Variants in FYTTD1 observed in about 807,000 individuals in gnomAD.
FYTTD1 encodes the protein forty-two-three domain containing 1, also known as UAP56-interacting factor.
A neutral mutation model predicts 40.9 loss-of-function variants in FYTTD1; 22 were observed. The observed-to-expected ratio is 0.54, with a 90% CI of 0.38 to 0.77. The LOEUF is 0.77. Among genes scored for constraint, FYTTD1 ranks in the 30% least tolerant of loss-of-function variants. The pLI, the probability that FYTTD1 is intolerant of heterozygous loss-of-function variation, is 0.00. For synonymous variants in FYTTD1, 140 were observed against 137.9 expected (o/e 1.01, Z -0.10); for missense variants, 351 against 392.2 (o/e 0.90, Z 0.89).
At chr3:197,760,068 T>C (rs1458730420) in intron 2 of FYTTD1, among the ~76,000 whole-genome samples, 1 of 152,002 alleles carries the variant, frequency 6.6e-6, no homozygotes, top group East Asian at 1.9e-4. Flanking sequence ...AGAGTTGTTC[T>C]TCAGTGGTAG....
rs7632659 is a variant in FYTTD1, at chr3:197,754,392, T to C, written c.104-2034T>C. Among the ~76,000 whole-genome samples, 1,488 of 152,204 alleles carry C rather than the reference T, an allele frequency of 9.8e-3. 13 individuals are homozygous for C. Among genetic ancestry groups the C allele is most frequent in the African/African-American group, 0.034 (1,413 of 41,512 alleles). On this transcript the variant is annotated intron_variant, in intron 1 of 8. Transcript: ENST00000241502. ...TTGGGGAGATTTGAGATATTTTGTGTGAATATTTGAGTGTAATTAAGAGTC... is the reference window on the plus strand; with the variant it reads ...TTGGGGAGATTTGAGATATTTTGTGCGAATATTTGAGTGTAATTAAGAGTC...
intron 2 of FYTTD1, among the ~76,000 whole-genome samples, chr3:197,764,708 CAA>C (rs375534910): frequency 1.4e-3 from 126 of 89,506 alleles, no homozygotes; most frequent in African/African-American, 1.5e-3. Context: ...GAGTCCGTCC[CAA>C]AAAAAAAAAA....
At chr3:197,755,133 T>C (rs1729176028) in intron 1 of FYTTD1, among the ~76,000 whole-genome samples, 1 of 152,196 alleles carries the variant, frequency 6.6e-6, no homozygotes, top group South Asian at 2.1e-4. Context: ...CTTAGATCAG[T>C]GTAGAAAGAA....
chr3:197,769,573 G>A (rs936119887), intron 3 of FYTTD1, among the ~76,000 whole-genome samples: 1 of 152,152 alleles, frequency 6.6e-6, no homozygotes, highest in Non-Finnish European at 1.5e-5. Context: ...GCATGTGGAG[G>A]AAGAAAAAGA....
chr3:197,752,029 T>C (rs1729073234), intron 1 of FYTTD1, among the ~76,000 whole-genome samples: 1 of 152,116 alleles, frequency 6.6e-6, no homozygotes, highest in Non-Finnish European at 1.5e-5. Flanking sequence ...ACGCCAGCGC[T>C]GGTGGCCGGC....
At chr3:197,781,147 C>G (rs1204761479) in intron 8 of FYTTD1, among the ~76,000 whole-genome samples, 1 of 151,526 alleles carries the variant, frequency 6.6e-6, no homozygotes, top group Non-Finnish European at 1.5e-5. Context: ...AACCCTGTCT[C>G]CACTAAAAAT....
chr3:197,756,379 ATTGAG>A lies in FYTTD1; in HGVS notation c.104-44_104-40del, dbSNP rs377651010. On this transcript the variant is annotated intron_variant, in intron 1 of 8. Transcript: ENST00000241502. Reference sequence around the variant, plus strand: ...ATCAGCTAGAAAACGAAACTGAGTAATTGAGTTAAGTTAAAATGAAAATAATTGAC... The same window carrying A: ...ATCAGCTAGAAAACGAAACTGAGTAATTAAGTTAAAATGAAAATAATTGAC... 8.9e-5 allele frequency: 128 copies of A among 1,438,662 alleles called. No individual in the cohort carries two copies. The African/African-American group carries it at 1.4e-3, about 15-fold the overall frequency. The allele number at this position is 1,438,662 out of a possible 1,614,324, so 89.1% of individuals were successfully genotyped here.
chr3:197,751,240 G>A (rs1018161214), intron 1 of FYTTD1, among the ~76,000 whole-genome samples: 3 of 152,192 alleles, frequency 2.0e-5, no homozygotes, highest in Non-Finnish European at 2.9e-5. Flanking sequence ...TGATTTCTAC[G>A]ATTGCCACAG....
chr3:197,769,847 A>G (rs1352635208), intron 3 of FYTTD1, among the ~76,000 whole-genome samples: 1 of 151,640 alleles, frequency 6.6e-6, no homozygotes, highest in Non-Finnish European at 1.5e-5. Flanking sequence ...AGCACCTCAC[A>G]TATTTTAAAT....
In FYTTD1 at chr3:197,769,594, T is replaced by C. The variant is rs113886798; in HGVS notation, c.385-538T>C. On this transcript the variant is annotated intron_variant, in intron 3 of 8. Transcript: ENST00000241502. ...GGAGGAAGAAAAAGAGGATGTCTCA[T>C]GTGCTTTTGTTTTTTATGATACTTT... Among the ~76,000 whole-genome samples the C allele has an allele frequency of 3.2e-3, 490 of 152,330 alleles. 2 individuals carry two copies. Among genetic ancestry groups the C allele is most frequent in the African/African-American group, 0.01 (426 of 41,570 alleles).
At chr3:197,762,463 C>T (rs1729416416) in intron 2 of FYTTD1, among the ~76,000 whole-genome samples, 3 of 151,948 alleles carry the variant, frequency 2.0e-5, no homozygotes, top group Non-Finnish European at 4.4e-5. Context: ...GTGGCGGGCA[C>T]CTGTAGTCCC....
intron 4 of FYTTD1, 141 bp downstream of exon 4, chr3:197,770,385 T>A (rs1385796156): frequency 3.2e-6 from 2 of 633,144 alleles, no homozygotes; most frequent in African/African-American, 3.7e-5. Flanking sequence ...TATCTGAACA[T>A]CCACATGGAT....
intron 8 of FYTTD1, 68 bp downstream of exon 8, chr3:197,778,532 A>G (rs1580469887): frequency 1.8e-6 from 2 of 1,095,940 alleles, no homozygotes; most frequent in East Asian, 5.2e-5. Context: ...AGTATTTATT[A>G]TAATAGTGAA....
At position 197,784,055 on chromosome 3, in the gene FYTTD1, T is replaced by G. The variant is rs1375562824; in HGVS notation, c.*2146T>G. ...TGAAGGAAAATTTTCTTTATTGGAATGTGGTTGTAATCCTTGTTCAGTTCT... is the reference window on the plus strand; with the variant it reads ...TGAAGGAAAATTTTCTTTATTGGAAGGTGGTTGTAATCCTTGTTCAGTTCT... On this transcript the variant is annotated 3_prime_UTR_variant, in exon 9 of 9. Transcript: ENST00000241502. 6.6e-6 allele frequency: 1 copy of G among 152,612 alleles called. No homozygotes were observed. Among genetic ancestry groups the G allele is most frequent in the Non-Finnish European group, 1.5e-5 (1 of 68,026 alleles). 9.5% of individuals were successfully genotyped at this position (152,612 alleles called of 1,614,324 possible). A position where few individuals can be genotyped will look rare whatever the true frequency, so the allele number is the denominator to read the frequency against.
chr3:197,755,508 C>T (rs948667416), intron 1 of FYTTD1, among the ~76,000 whole-genome samples: 3 of 150,692 alleles, frequency 2.0e-5, no homozygotes, highest in East Asian at 1.9e-4. Flanking sequence ...TGCAGTGGTG[C>T]GATCTTGGCT....
intron 1 of FYTTD1, among the ~76,000 whole-genome samples, chr3:197,751,710 T>G (rs1729061959): frequency 6.6e-6 from 1 of 150,992 alleles, no homozygotes; most frequent in Non-Finnish European, 1.5e-5. Flanking sequence ...AATGAATATT[T>G]ATTGAGTGCT....
intron 6 of FYTTD1, 90 bp downstream of exon 6, chr3:197,774,300 T>G: frequency 9.2e-7 from 1 of 1,092,704 alleles, no homozygotes; most frequent in Admixed American, 1.9e-5. Flanking sequence ...CCAGAAGAAA[T>G]TAATTGAAAC....
chr3:197,749,545 G>A (rs981962898), upstream of FYTTD1: 2 of 1,291,240 alleles, frequency 1.5e-6, no homozygotes, highest in Non-Finnish European at 2.0e-6. Flanking sequence ...CTGCGTTGCG[G>A]TGGGCGCGAA....
chr3:197,759,478 GTGGAGTTGTTCCTCAGTGGTAGAATGTA>G (rs1560493580), intron 2 of FYTTD1, among the ~76,000 whole-genome samples: 27 of 142,172 alleles, frequency 1.9e-4, no homozygotes, highest in Middle Eastern at 0.011. Context: ...GGTAGAATGT[GTGGAGTTGTTCCTCAGTGGTAGAATGTA>G]TGGAGTTGTT....
Sources: allele counts gnomAD v4.1 joint callset (sites outside exome capture counted in the v4.1 genomes callset), GRCh38; gene constraint gnomAD v4.1.1; transcripts MANE v1.5; gene names NCBI Gene and HGNC (gene_info 2026-07-23, HGNC 2026-07-21).